The following LYST variants were observed in gnomAD, a reference collection of about 807,000 sequenced individuals.
The protein encoded by LYST is lysosomal trafficking regulator.
A neutral mutation model predicts 413.6 loss-of-function variants in LYST; 192 were observed. That is an observed-to-expected ratio of 0.46 (90% CI 0.41 to 0.52). LYST has a LOEUF of 0.52. LYST is among the 20% of genes least tolerant of loss of function. LYST has a pLI of 0.00. For missense variants in LYST, 3,815 were observed against 4,499.9 expected, an observed-to-expected ratio of 0.85 and a Z score of 4.35; for synonymous variants, 1,525 against 1,567.3, an observed-to-expected ratio of 0.97 and a Z score of 0.64.
intron 1 of LYST, among the ~76,000 whole-genome samples, chr1:235,859,502 C>T (rs1490264280): frequency 6.9e-6 from 1 of 144,566 alleles, no homozygotes; most frequent in Non-Finnish European, 1.5e-5. Flanking sequence ...AGCACCAGGC[C>T]TTTTTTTTTT....
At chr1:235,738,633 A>G in intron 31 of LYST, 1 of 1,608,020 alleles carries the variant, frequency 6.2e-7, no homozygotes, top group Non-Finnish European at 8.5e-7. Flanking sequence ...TGTCTCCCTC[A>G]AGACTCTGCA....
intron 12 of LYST, among the ~76,000 whole-genome samples, chr1:235,789,898 T>A (rs1176046685): frequency 6.6e-6 from 1 of 152,176 alleles, no homozygotes; most frequent in African/African-American, 2.4e-5. Flanking sequence ...TTTAACTTAA[T>A]GCTCACAACC....
At chr1:235,841,885 GC>G (rs1315770808) in intron 1 of LYST, among the ~76,000 whole-genome samples, 1 of 152,142 alleles carries the variant, frequency 6.6e-6, no homozygotes, top group East Asian at 1.9e-4. Context: ...GAGATTGGGG[GC>G]TAAAGGCTAA....
At chr1:235,776,329 A>G (rs541465408) in intron 17 of LYST, among the ~76,000 whole-genome samples, 1 of 152,338 alleles carries the variant, frequency 6.6e-6, no homozygotes, top group African/African-American at 2.4e-5. Flanking sequence ...TGCAAAATTA[A>G]TCAACGATGC....
chr1:235,749,395 G>A (rs572216829), intron 28 of LYST, among the ~76,000 whole-genome samples: 178 of 152,122 alleles, frequency 1.2e-3, no homozygotes, highest in Middle Eastern at 3.4e-3. Context: ...TTTCAATAAG[G>A]GTAGTACTTA....
intron 28 of LYST, among the ~76,000 whole-genome samples, chr1:235,749,457 T>C (rs2103297481): frequency 6.6e-6 from 1 of 152,148 alleles, no homozygotes; most frequent in South Asian, 2.1e-4. Context: ...AGATGGGTCC[T>C]AAGAGATACC....
chr1:235,673,280 A>G (rs1659102364), intron 50 of LYST, among the ~76,000 whole-genome samples: 1 of 151,944 alleles, frequency 6.6e-6, no homozygotes, highest in African/African-American at 2.4e-5. Flanking sequence ...AATGTAACTA[A>G]GTCAAGCTCA....
Position 235,787,382 on chromosome 1 carries a change from A to G in LYST, c.4689-9T>C. 6.2e-7 allele frequency: 1 copy of G among 1,612,586 alleles called. No individual in the cohort carries two copies. Among genetic ancestry groups the G allele is most frequent in the Non-Finnish European group, 8.5e-7 (1 of 1,178,786 alleles). The stretch of plus-strand genomic sequence containing the variant: ...TTGAATCCATGCACACACTACAGAA[A>G]AAGAGAAAAGGCATAGGCTGAAAAC... On this transcript the variant is annotated splice_polypyrimidine_tract_variant and intron_variant, in intron 13 of 52. Coordinates refer to ENST00000389793, the MANE Select transcript of LYST (RefSeq NM_000081.4).
chr1:235,809,567 T>G lies in LYST; in HGVS notation c.1251A>C (p.Gln417His). The change falls in exon 5 of 53, where the codon CAA (glutamine) becomes CAC (histidine). Residue 417 changes from glutamine to histidine, a missense_variant. Around this residue, in one of 4 missense-constraint regions of LYST, gnomAD observed 1,648 missense variants for 1,810.3 expected, o/e 0.91. Coordinates refer to ENST00000389793, the MANE Select transcript of LYST (RefSeq NM_000081.4). The surrounding 1 kb of genome is among the most constrained non-coding windows in gnomAD (Gnocchi z 4.0). The stretch of plus-strand genomic sequence containing the variant: ...AGTAGAAGGGATTTGAAGCTGCACT[T>G]TGAAGACAACAGATCAGAATCTGAA... ...GVLQILICCLQSAASNPFYFS... is the reference protein window; with the variant it reads ...GVLQILICCLHSAASNPFYFS... The G allele has an allele frequency of 6.2e-7, 1 of 1,613,688 alleles. No homozygotes were observed. The highest frequency in any genetic ancestry group is 8.5e-7 in the Non-Finnish European group (1 of 1,179,900).
chr1:235,784,311 A>C (rs1233155410), intron 14 of LYST, among the ~76,000 whole-genome samples: 1 of 152,240 alleles, frequency 6.6e-6, no homozygotes, highest in Middle Eastern at 3.2e-3. Flanking sequence ...AATGGCAAAC[A>C]ATTCTCTCAA....
chr1:235,871,785 A>G (rs1680937407), upstream of LYST, among the ~76,000 whole-genome samples: 1 of 152,218 alleles, frequency 6.6e-6, no homozygotes, highest in African/African-American at 2.4e-5. Flanking sequence ...TTCCTGTGCA[A>G]GATCCAAGAA....
chr1:235,764,873 C>G (rs1667976909), intron 21 of LYST, among the ~76,000 whole-genome samples: 1 of 152,080 alleles, frequency 6.6e-6, no homozygotes, highest in South Asian at 2.1e-4. Context: ...ACTCAGCTTT[C>G]TTGTAGGTAC....
Position 235,762,863 on chromosome 1 carries a change from A to T in LYST, c.6122-12T>A. The T allele has an allele frequency of 6.2e-7, 1 of 1,610,448 alleles. No individual in the cohort carries two copies. The highest frequency in any genetic ancestry group is 8.5e-7 in the Non-Finnish European group (1 of 1,177,416). ...AAAGATCTTGCCATCTAGAATCCAA[A>T]TTTTTTTTGAAACAGCAAAATTTTT... is the stretch of plus-strand genomic sequence containing the variant. On this transcript the variant is annotated splice_polypyrimidine_tract_variant and intron_variant, in intron 21 of 52. Coordinates refer to ENST00000389793, the MANE Select transcript of LYST (RefSeq NM_000081.4).
At chr1:235,870,556 CTTTAAA>C (rs1170324101), upstream of LYST, among the ~76,000 whole-genome samples, 1 of 152,212 alleles carries the variant, frequency 6.6e-6, no homozygotes, top group Admixed American at 6.5e-5. Context: ...CTCAATTAAA[CTTTAAA>C]TTTAATTTGG....
intron 27 of LYST, among the ~76,000 whole-genome samples, chr1:235,751,798 T>C (rs928504059): frequency 3.3e-5 from 5 of 152,216 alleles, no homozygotes; most frequent in African/African-American, 1.2e-4. Context: ...TATTGCCAAC[T>C]ACTAACTACA....
intron 19 of LYST, among the ~76,000 whole-genome samples, chr1:235,771,449 C>T (rs1010569093): frequency 1.3e-5 from 2 of 152,176 alleles, no homozygotes; most frequent in African/African-American, 2.4e-5. Context: ...CTTTGTCCAA[C>T]TTTGTCCAAG....
chr1:235,777,220 G>C lies in LYST; in HGVS notation c.5303C>G (p.Thr1768Ser). ...PVIRLKGQMK[T>S]QLSQRPFSSK... is the part of the protein sequence containing the mutation. ...GCTGAAGGGTCTTTGAGAGAGTTGGGTTTTCATTTGACCTTTAAGTCTAAT... is the reference window on the plus strand; with the variant it reads ...GCTGAAGGGTCTTTGAGAGAGTTGGCTTTTCATTTGACCTTTAAGTCTAAT... The change falls in exon 17 of 53, where the codon ACC (threonine) becomes AGC (serine). Residue 1768 changes from threonine to serine, a missense_variant. Coordinates refer to ENST00000389793, the MANE Select transcript of LYST (RefSeq NM_000081.4). 1 of 1,613,626 alleles carries C rather than the reference G, an allele frequency of 6.2e-7. No individual in the cohort carries two copies. The highest frequency in any genetic ancestry group is 2.2e-5 in the East Asian group (1 of 44,792).
intron 19 of LYST, 115 bp downstream of exon 19, chr1:235,773,727 C>G: frequency 2.4e-6 from 2 of 825,334 alleles, no homozygotes; most frequent in Non-Finnish European, 4.1e-6. Context: ...TTGGACAACA[C>G]TGTAAATGCA....
chr1:235,674,402 TAAA>T lies in LYST; in HGVS notation c.11038+2686_11038+2688del, dbSNP rs112302922. On this transcript the variant is annotated intron_variant, in intron 50 of 52. Coordinates refer to ENST00000389793, the MANE Select transcript of LYST (RefSeq NM_000081.4). The surrounding 1 kb of genome is among the most constrained non-coding windows in gnomAD (Gnocchi z 4.1). ...ATCAACCAAATAGAAAGAACAATCG[TAAA>T]AAAAAAAAAAAAAGTGTCCCCCTCG... Among the ~76,000 whole-genome samples, 10 of 126,996 alleles carry T rather than the reference TAAA, an allele frequency of 7.9e-5. No homozygotes were observed. Among genetic ancestry groups the T allele is most frequent in the African/African-American group, 2.5e-4 (9 of 36,354 alleles). The allele number at this position is 126,996 out of a possible 152,430, so 83.3% of individuals were successfully genotyped here.
Sources: gnomAD v4.1 joint callset for allele counts (sites outside exome capture counted in the v4.1 genomes callset) on GRCh38, gnomAD v4.1.1 for gene constraint, gnomAD v4.1.1 regional missense constraint, Gnocchi (gnomAD v3.1) non-coding constraint, MANE v1.5 for transcripts, NCBI Gene and HGNC (gene_info 2026-07-23, HGNC 2026-07-21) for gene names.